WDR27: variants seen among roughly 807,000 people sequenced by gnomAD.
The protein encoded by WDR27 is WD repeat-containing protein 27.
WDR27 carries 100 observed loss-of-function variants against 114.4 expected under a neutral mutation model. The observed-to-expected ratio is 0.87, with a 90% CI of 0.74 to 1.03. The LOEUF (loss-of-function observed/expected upper bound fraction) is 1.03. Ranked by LOEUF, WDR27 falls within the 50% of genes least tolerant of loss-of-function variation. The pLI, the probability that WDR27 is intolerant of heterozygous loss-of-function variation, is 0.00. For missense variants in WDR27, 1,129 were observed against 1,092.9 expected, an observed-to-expected ratio of 1.03 and a Z score of -0.47; for synonymous variants, 449 against 423.1, an observed-to-expected ratio of 1.06 and a Z score of -0.75.
intron 2 of WDR27, among the ~76,000 whole-genome samples, chr6:169,687,453 A>G (rs772744712): frequency 6.6e-6 from 1 of 152,188 alleles, no homozygotes; most frequent in Non-Finnish European, 1.5e-5. Context: ...CACAAAAAAC[A>G]ATATCTAAAT....
At chr6:169,602,662 A>G (rs1584506273) in intron 22 of WDR27, among the ~76,000 whole-genome samples, 1 of 152,118 alleles carries the variant, frequency 6.6e-6, no homozygotes, top group East Asian at 1.9e-4. Context: ...ATTTAGTTAA[A>G]TTATTCAGAG....
At chr6:169,562,504 G>T (rs992488748) in intron 25 of WDR27, among the ~76,000 whole-genome samples, 10 of 152,168 alleles carry the variant, frequency 6.6e-5, no homozygotes, top group African/African-American at 2.4e-4. Context: ...GCATATGGGG[G>T]AGTGTAGAGC....
chr6:169,526,135 G>C (rs899522809), intron 25 of WDR27, among the ~76,000 whole-genome samples: 5 of 152,186 alleles, frequency 3.3e-5, no homozygotes, highest in Non-Finnish European at 7.3e-5. Flanking sequence ...TGTACCACTG[G>C]ATAGAAGAAC....
At chr6:169,700,936 C>G (rs1787791394) in intron 1 of WDR27, among the ~76,000 whole-genome samples, 1 of 152,164 alleles carries the variant, frequency 6.6e-6, no homozygotes, top group African/African-American at 2.4e-5. Context: ...GGAAAATAAA[C>G]TAAATTTATT....
At position 169,659,257 on chromosome 6, in the gene WDR27, A is replaced by G. The variant is rs1459001498; in HGVS notation, c.1198-50T>C. On this transcript the variant is annotated intron_variant, in intron 11 of 25. Coordinates refer to ENST00000448612, the MANE Select transcript of WDR27 (RefSeq NM_182552.5). This position sits in a 1 kb window ranked among gnomAD's most constrained non-coding sequence, Gnocchi z 4.3. The stretch of plus-strand genomic sequence containing the variant: ...GTTAGCGACACCACCCAGTAAAAGC[A>G]GACGAAACGTGCATCCGCACACGTA... 1 of 1,560,650 alleles carries G rather than the reference A, an allele frequency of 6.4e-7. No individual in the cohort carries two copies. Among genetic ancestry groups the G allele is most frequent in the Non-Finnish European group, 8.7e-7 (1 of 1,151,410 alleles).
intron 24 of WDR27, among the ~76,000 whole-genome samples, chr6:169,572,813 A>C (rs377109112): frequency 1.3e-5 from 2 of 152,240 alleles, no homozygotes; most frequent in African/African-American, 2.4e-5. Context: ...AAAGTAATCT[A>C]TCTTGAGAAA....
At chr6:169,577,061 T>C (rs1369435857) in intron 24 of WDR27, among the ~76,000 whole-genome samples, 1 of 148,198 alleles carries the variant, frequency 6.7e-6, no homozygotes, top group Non-Finnish European at 1.5e-5. Flanking sequence ...AGAAGGATCC[T>C]CTCAAATATG....
intron 25 of WDR27, among the ~76,000 whole-genome samples, chr6:169,554,807 C>T (rs1283961224): frequency 1.3e-5 from 2 of 152,192 alleles, no homozygotes; most frequent in Admixed American, 6.5e-5. Flanking sequence ...GCATAAAACT[C>T]GCTTGGCTTC....
At chr6:169,635,276 T>C (rs915153107) in intron 19 of WDR27, among the ~76,000 whole-genome samples, 3 of 152,156 alleles carry the variant, frequency 2.0e-5, no homozygotes, top group Admixed American at 6.5e-5. Context: ...TCCCAGCCAC[T>C]TGGGAGGCTG....
At chr6:169,577,777 T>C (rs1802666876) in intron 24 of WDR27, among the ~76,000 whole-genome samples, 1 of 152,208 alleles carries the variant, frequency 6.6e-6, no homozygotes, top group Admixed American at 6.5e-5. Flanking sequence ...CAGCAGCTTT[T>C]AAACCATTTG....
Position 169,583,753 on chromosome 6 carries a change from G to A in WDR27, c.2425-819C>T, listed in dbSNP as rs985102593. Among the ~76,000 whole-genome samples the A allele has an allele frequency of 4.0e-5, 6 of 151,324 alleles. No individual in the cohort carries two copies. In the East Asian group the frequency reaches 1.2e-3, roughly 30 times the overall value. The stretch of plus-strand genomic sequence containing the variant: ...GTGTCAAAGACAATTCCTTTTTCCC[G>A]CAAAAACCTACTATTTTTAAAAAAT... On this transcript the variant is annotated intron_variant, in intron 23 of 25. Transcript: ENST00000448612.
intron 25 of WDR27, among the ~76,000 whole-genome samples, chr6:169,467,430 G>A (rs886081967): frequency 2.0e-5 from 3 of 152,228 alleles, no homozygotes; most frequent in African/African-American, 7.2e-5. Flanking sequence ...CTTCTGCCTG[G>A]ACATTCAGGT....
intron 25 of WDR27, among the ~76,000 whole-genome samples, chr6:169,490,533 C>A (rs1431903366): frequency 6.6e-6 from 1 of 152,210 alleles, no homozygotes; most frequent in Non-Finnish European, 1.5e-5. Flanking sequence ...GAAGGACCCA[C>A]AAACCTGCCA....
intron 21 of WDR27, among the ~76,000 whole-genome samples, chr6:169,621,392 A>G (rs540800619): frequency 6.6e-6 from 1 of 151,268 alleles, no homozygotes; most frequent in East Asian, 1.9e-4. Context: ...ATACGCACAC[A>G]CATGCACACA....
At chr6:169,602,382 G>A (rs1808197649) in intron 22 of WDR27, 61 bp from the exon 23 acceptor site, 16 of 1,094,930 alleles carry the variant, frequency 1.5e-5, no homozygotes, top group South Asian at 9.2e-5. Flanking sequence ...GCAAATTAGA[G>A]GAAAGAAAAC....
In WDR27 at chr6:169,687,071, G is replaced by C. The variant is rs576072103; in HGVS notation, c.189+1746C>G. 4.6e-5 allele frequency among the ~76,000 whole-genome samples: 7 copies of C among 152,082 alleles called. 1 individual carries two copies. In the South Asian group the frequency reaches 1.0e-3, roughly 23 times the overall value. On this transcript the variant is annotated intron_variant, in intron 2 of 25. Coordinates refer to ENST00000448612, the MANE Select transcript of WDR27 (RefSeq NM_182552.5). Reference sequence around the variant, plus strand: ...TAAGAATAAGTTCTGGTATTCAAGAGTACAGTAGGAAAATTACAGTTAATA... The same window carrying C: ...TAAGAATAAGTTCTGGTATTCAAGACTACAGTAGGAAAATTACAGTTAATA...
intron 25 of WDR27, among the ~76,000 whole-genome samples, chr6:169,462,146 C>A (rs925750059): frequency 1.1e-4 from 16 of 150,630 alleles, no homozygotes; most frequent in Non-Finnish European, 2.2e-4. Context: ...AAAAAAAAAA[C>A]TCCTGATAAA....
chr6:169,539,955 C>T (rs1796641759), intron 25 of WDR27, among the ~76,000 whole-genome samples: 1 of 152,198 alleles, frequency 6.6e-6, no homozygotes, highest in Admixed American at 6.5e-5. Context: ...ATCAGGCCTA[C>T]CCACCTTCAC....
At chr6:169,609,101 G>C (rs1331766647) in intron 22 of WDR27, among the ~76,000 whole-genome samples, 2 of 151,822 alleles carry the variant, frequency 1.3e-5, no homozygotes, top group South Asian at 4.2e-4. Context: ...GTCGTGGGCA[G>C]CTCTGTCCCT....
Sources: allele counts gnomAD v4.1 joint callset (sites outside exome capture counted in the v4.1 genomes callset), GRCh38; gene constraint gnomAD v4.1.1; non-coding constraint Gnocchi (gnomAD v3.1); transcripts MANE v1.5; gene names NCBI Gene and HGNC (gene_info 2026-07-23, HGNC 2026-07-21).